The following KCNQ3 variants were observed in gnomAD, a reference collection of about 807,000 sequenced individuals.
The protein encoded by KCNQ3 is potassium voltage-gated channel subfamily Q member 3.
A neutral mutation model predicts 92.5 loss-of-function variants in KCNQ3; 30 were observed. The observed-to-expected ratio is 0.32, with a 90% CI of 0.24 to 0.44. The LOEUF (loss-of-function observed/expected upper bound fraction) is 0.44. Among genes scored for constraint, KCNQ3 ranks in the 20% least tolerant of loss-of-function variants. The pLI, the probability that KCNQ3 is intolerant of heterozygous loss-of-function variation, is 1.00. For missense variants in KCNQ3, 913 were observed against 1,140.3 expected, an observed-to-expected ratio of 0.80 and a Z score of 2.87; for synonymous variants, 450 against 468.8, an observed-to-expected ratio of 0.96 and a Z score of 0.52.
chr8:132,159,413 T>C (rs559691223), intron 9 of KCNQ3, among the ~76,000 whole-genome samples: 2 of 152,308 alleles, frequency 1.3e-5, no homozygotes, highest in Admixed American at 6.5e-5. Context: ...CCACTCACTC[T>C]AACAGGTGGA....
rs1824744683 is a variant in KCNQ3, at chr8:132,128,529, G to A, written c.*733C>T. 6.6e-6 allele frequency: 1 copy of A among 152,618 alleles called. No homozygotes were observed. The allele number at this position is 152,618 out of a possible 1,614,324, so 9.5% of individuals were successfully genotyped here. A position where few individuals can be genotyped will look rare whatever the true frequency, so the allele number is the denominator to read the frequency against. On this transcript the variant is annotated 3_prime_UTR_variant, in exon 15 of 15. Coordinates refer to ENST00000388996, the MANE Select transcript of KCNQ3 (RefSeq NM_004519.4). ...TGTATGTGTGTGTGTGTGTGTGTGT[G>A]TGTGTGTGTGTGTGTGTTTTCTCCC...
At chr8:132,437,264 C>T (rs1170710440) in intron 1 of KCNQ3, among the ~76,000 whole-genome samples, 1 of 148,218 alleles carries the variant, frequency 6.7e-6, no homozygotes, top group Non-Finnish European at 1.5e-5. Flanking sequence ...TGGGCGACAG[C>T]GAGACTCCGT....
At chr8:132,411,982 C>A (rs757926438) in intron 1 of KCNQ3, among the ~76,000 whole-genome samples, 10 of 152,154 alleles carry the variant, frequency 6.6e-5, no homozygotes, top group Admixed American at 6.5e-5. Flanking sequence ...TGCCAGCTGG[C>A]CTTTTCTGGG....
chr8:132,179,793 G>A lies in KCNQ3; in HGVS notation c.777+364C>T, dbSNP rs112362171. ...AAGCCTTCTTCTCCCACTGCATGTG[G>A]CCTTGAATGAGCTCATTCCATCCTC... On this transcript the variant is annotated intron_variant, in intron 4 of 14. Transcript: ENST00000388996. Among the ~76,000 whole-genome samples, 471 of 152,158 alleles carry A rather than the reference G, an allele frequency of 3.1e-3. 1 individual carries two copies. The highest frequency in any genetic ancestry group is 0.011 in the African/African-American group (448 of 41,514).
At chr8:132,242,982 T>C (rs1171383412) in intron 1 of KCNQ3, among the ~76,000 whole-genome samples, 1 of 152,186 alleles carries the variant, frequency 6.6e-6, no homozygotes, top group African/African-American at 2.4e-5. Flanking sequence ...TACCATGATA[T>C]TTTACCCAAA....
At chr8:132,355,040 C>T (rs1818981533) in intron 1 of KCNQ3, among the ~76,000 whole-genome samples, 2 of 152,116 alleles carry the variant, frequency 1.3e-5, no homozygotes, top group South Asian at 4.1e-4. Flanking sequence ...GTCCTCATAT[C>T]AGCAAAAAAC....
intron 1 of KCNQ3, among the ~76,000 whole-genome samples, chr8:132,285,753 C>T (rs1407718952): frequency 6.6e-6 from 1 of 152,178 alleles, no homozygotes; most frequent in Non-Finnish European, 1.5e-5. Flanking sequence ...CAAGGCATTT[C>T]AGAGATCAAG....
chr8:132,475,886 G>A (rs1822398669), intron 1 of KCNQ3, among the ~76,000 whole-genome samples: 1 of 152,326 alleles, frequency 6.6e-6, no homozygotes, highest in African/African-American at 2.4e-5. Flanking sequence ...GAATTTTGTG[G>A]CAGCCCCTCC....
intron 1 of KCNQ3, among the ~76,000 whole-genome samples, chr8:132,195,199 G>A (rs1827269160): frequency 6.6e-6 from 1 of 152,190 alleles, no homozygotes; most frequent in Admixed American, 6.5e-5. Flanking sequence ...CCTATGAGGT[G>A]TTAGGCACTA....
chr8:132,216,671 GC>G (rs1409865110), intron 1 of KCNQ3, among the ~76,000 whole-genome samples: 1 of 152,138 alleles, frequency 6.6e-6, no homozygotes, highest in Non-Finnish European at 1.5e-5. Context: ...AGTGAAAAAT[GC>G]CACAAAAAAA....
intron 1 of KCNQ3, among the ~76,000 whole-genome samples, chr8:132,233,383 A>G (rs981162448): frequency 1.2e-4 from 18 of 152,144 alleles, no homozygotes; most frequent in African/African-American, 4.3e-4. Flanking sequence ...AATTATTTCA[A>G]CTCAAGTGCT....
chr8:132,174,956 A>G, intron 5 of KCNQ3, among the ~76,000 whole-genome samples: 1 of 152,210 alleles, frequency 6.6e-6, no homozygotes, highest in East Asian at 1.9e-4. Flanking sequence ...CAGTTTCCCT[A>G]CTTTTAAAAA....
intron 1 of KCNQ3, among the ~76,000 whole-genome samples, chr8:132,205,013 G>A (rs1459363828): frequency 6.6e-6 from 1 of 152,172 alleles, no homozygotes; most frequent in Non-Finnish European, 1.5e-5. Flanking sequence ...ATCCAGGAAA[G>A]CTGATCCTGG....
intron 1 of KCNQ3, among the ~76,000 whole-genome samples, chr8:132,262,734 AC>A (rs1331424216): frequency 6.6e-6 from 1 of 151,938 alleles, no homozygotes. Flanking sequence ...CCCCTATGAC[AC>A]CATGACACTG....
At chr8:132,476,208 G>A (rs1349764527) in intron 1 of KCNQ3, among the ~76,000 whole-genome samples, 4 of 150,288 alleles carry the variant, frequency 2.7e-5, no homozygotes, top group African/African-American at 9.7e-5. Flanking sequence ...TGCTGCAGGA[G>A]TGAAGCTCTC....
At chr8:132,248,964 C>T (rs887385745) in intron 1 of KCNQ3, among the ~76,000 whole-genome samples, 5 of 152,132 alleles carry the variant, frequency 3.3e-5, no homozygotes, top group African/African-American at 1.2e-4. Flanking sequence ...CAGACCCTCG[C>T]GGTGAGCGTT....
At position 132,125,793 on chromosome 8, in the gene KCNQ3, T is replaced by G. The variant is rs1824646029; in HGVS notation, c.*3469A>C. 1 of 152,218 alleles carries G rather than the reference T, an allele frequency of 6.6e-6. No homozygotes were observed. The highest frequency in any genetic ancestry group is 1.5e-5 in the Non-Finnish European group (1 of 68,028). The allele number at this position is 152,218 out of a possible 1,614,324, so 9.4% of individuals were successfully genotyped here. On this transcript the variant is annotated 3_prime_UTR_variant, in exon 15 of 15. Coordinates refer to ENST00000388996, the MANE Select transcript of KCNQ3 (RefSeq NM_004519.4). ...TATGTTTTCATGAAAACTAGGGCTT[T>G]GTAATATCAATGTCATGTCTAATAA...
chr8:132,366,933 G>GT (rs930823914), intron 1 of KCNQ3, among the ~76,000 whole-genome samples: 3 of 152,092 alleles, frequency 2.0e-5, no homozygotes, highest in Non-Finnish European at 4.4e-5. Flanking sequence ...TCTTCATTGA[G>GT]TTTTGGGATC....
At chr8:132,450,208 C>A (rs1821789420) in intron 1 of KCNQ3, among the ~76,000 whole-genome samples, 1 of 152,164 alleles carries the variant, frequency 6.6e-6, no homozygotes, top group Admixed American at 6.5e-5. Flanking sequence ...TTTGTCCCCA[C>A]CCATGTCCTG....
Sources: allele counts gnomAD v4.1 joint callset (sites outside exome capture counted in the v4.1 genomes callset), GRCh38; gene constraint gnomAD v4.1.1; transcripts MANE v1.5; gene names NCBI Gene and HGNC (gene_info 2026-07-23, HGNC 2026-07-21).